Variants in DNAI7 observed in about 807,000 individuals in gnomAD.
DNAI7 encodes dynein axonemal intermediate chain 7.
DNAI7 carries 78 observed loss-of-function variants against 86.6 expected under a neutral mutation model. That is an observed-to-expected ratio of 0.90 (90% CI 0.75 to 1.09). The LOEUF is 1.09. Among genes scored for constraint, DNAI7 ranks in the 50% least tolerant of loss-of-function variants. The probability of loss-of-function intolerance (pLI) is 0.00; values close to 1 mark genes in which losing one functional copy is unlikely to be tolerated. For synonymous variants in DNAI7, 274 were observed against 273.0 expected (o/e 1.00, Z -0.04); for missense variants, 753 against 810.2 (o/e 0.93, Z 0.86).
At chr12:25,182,541 C>T (rs902679639) in intron 2 of DNAI7, among the ~76,000 whole-genome samples, 4 of 149,144 alleles carry the variant, frequency 2.7e-5, no homozygotes, top group African/African-American at 5.0e-5. Flanking sequence ...CCTGGGAGGT[C>T]GAGGCTGCAG....
Position 25,108,723 on chromosome 12 carries a change from C to T in DNAI7, c.1994G>A (p.Ser665Asn), listed in dbSNP as rs377283732. The T allele has an allele frequency of 1.9e-6, 3 of 1,608,924 alleles. No homozygotes were observed. Among genetic ancestry groups the T allele is most frequent in the African/African-American group, 1.3e-5 (1 of 74,196 alleles). The change falls in exon 16 of 16, where the codon AGT becomes AAT. Residue 665 changes from serine to asparagine, a missense_variant. Transcript: ENST00000395987. ...RAQRLKIKEE[S>N]EAFSEALKEE... ...TTTAAGTGCTTCAGAAAATGCCTCA[C>T]TCTCTTCCTTGATCTTCAGTCTTTG... is the stretch of plus-strand genomic sequence containing the variant.
At chr12:25,114,891 G>A in intron 12 of DNAI7, 21 bp from the exon 13 acceptor site, 1 of 1,536,242 alleles carries the variant, frequency 6.5e-7, no homozygotes, top group East Asian at 2.3e-5. Context: ...GATGAAGAAA[G>A]TGACACTAGT....
chr12:25,142,932 C>T (rs1418433391), intron 9 of DNAI7, among the ~76,000 whole-genome samples: 1 of 152,068 alleles, frequency 6.6e-6, no homozygotes, highest in African/African-American at 2.4e-5. Flanking sequence ...CTTCCATATT[C>T]CAGGAAAGGG....
chr12:25,182,605 T>TACACACACACACACACACAC (rs71065917), intron 2 of DNAI7, among the ~76,000 whole-genome samples: 279 of 132,194 alleles, frequency 2.1e-3, no homozygotes, highest in Middle Eastern at 7.6e-3. Flanking sequence ...TGAGACTGTC[T>TACACACACACACACACACAC]ACACACACAC....
chr12:25,131,927 C>A (rs1338759622), intron 9 of DNAI7, among the ~76,000 whole-genome samples: 1 of 152,006 alleles, frequency 6.6e-6, no homozygotes, highest in Admixed American at 6.6e-5. Context: ...TTTAAGGCAA[C>A]AATTATAATA....
intron 2 of DNAI7, among the ~76,000 whole-genome samples, chr12:25,176,584 T>C (rs1022745519): frequency 6.6e-6 from 1 of 151,930 alleles, no homozygotes; most frequent in African/African-American, 2.4e-5. Context: ...TTTATAAATA[T>C]GTGAGAGAGA....
At chr12:25,167,674 C>A (rs1947644732) in intron 2 of DNAI7, among the ~76,000 whole-genome samples, 1 of 152,194 alleles carries the variant, frequency 6.6e-6, no homozygotes, top group African/African-American at 2.4e-5. Flanking sequence ...TACCTCCGAA[C>A]TTCCTTTAAC....
Position 25,146,599 on chromosome 12 carries a change from CA to C in DNAI7, c.689+401del, listed in dbSNP as rs55857702. Among the ~76,000 whole-genome samples, 39 of 140,434 alleles carry C rather than the reference CA, an allele frequency of 2.8e-4. 1 individual carries two copies. The highest frequency in any genetic ancestry group is 8.4e-4 in the African/African-American group (33 of 39,062). 92.1% of individuals were successfully genotyped at this position (140,434 alleles called of 152,430 possible). On this transcript the variant is annotated intron_variant, in intron 8 of 15. Transcript: ENST00000395987. ...TGGACGACAGAGCAAGACTGTGTCT[CA>C]AAAAAAAAAGAAAAAGAAAGCACCT... is the stretch of plus-strand genomic sequence containing the variant.
At chr12:25,107,719 G>T (rs1949296437), downstream of DNAI7, 2 of 1,169,328 alleles carry the variant, frequency 1.7e-6, no homozygotes, top group South Asian at 1.4e-5. Flanking sequence ...AGTTTTGGGG[G>T]TATGAAGGGC....
chr12:25,154,220 T>C (rs190530164), intron 6 of DNAI7, 99 bp downstream of exon 6: 9 of 915,542 alleles, frequency 9.8e-6, no homozygotes, highest in Non-Finnish European at 1.3e-5. Flanking sequence ...TCAAAAGCAG[T>C]AGTGTTATTA....
intron 2 of DNAI7, among the ~76,000 whole-genome samples, chr12:25,176,645 G>A (rs1024373252): frequency 1.3e-5 from 2 of 151,818 alleles, no homozygotes; most frequent in African/African-American, 4.8e-5. Context: ...GTAACATCAT[G>A]CAATTCTTTG....
chr12:25,191,788 T>C (rs1322798232), intron 1 of DNAI7, among the ~76,000 whole-genome samples: 3 of 152,226 alleles, frequency 2.0e-5, no homozygotes, highest in Non-Finnish European at 4.4e-5. Flanking sequence ...GCAGATCTAT[T>C]CTTTTCTGGA....
intron 14 of DNAI7, among the ~76,000 whole-genome samples, chr12:25,110,481 A>G (rs1331103651): frequency 1.3e-5 from 2 of 151,996 alleles, no homozygotes; most frequent in Non-Finnish European, 2.9e-5. Flanking sequence ...CATATACCCC[A>G]TTACCTGCCG....
At chr12:25,130,613 T>C (rs1199971550) in intron 9 of DNAI7, among the ~76,000 whole-genome samples, 1 of 151,940 alleles carries the variant, frequency 6.6e-6, no homozygotes, top group Non-Finnish European at 1.5e-5. Flanking sequence ...ATCCTGTATA[T>C]GTTTGCTTAA....
intron 2 of DNAI7, among the ~76,000 whole-genome samples, chr12:25,186,752 A>T (rs947609768): frequency 7.2e-5 from 11 of 152,202 alleles, no homozygotes; most frequent in African/African-American, 1.9e-4. Context: ...TGATTGTGAC[A>T]GAGGAGGATG....
chr12:25,164,642 C>T lies in DNAI7; in HGVS notation c.22-3445G>A, dbSNP rs540944738. Among the ~76,000 whole-genome samples, 417 of 152,226 alleles carry T rather than the reference C, an allele frequency of 2.7e-3. 9 individuals are homozygous for T. The highest frequency in any genetic ancestry group is 9.3e-4 in the Non-Finnish European group (63 of 68,006). On this transcript the variant is annotated intron_variant, in intron 2 of 15. Coordinates refer to ENST00000395987, the MANE Select transcript of DNAI7 (RefSeq NM_018272.5). ...TAGGCAAACGGTCTGAGGTGCCTGA[C>T]GTCCAGGCATTCTTTTACACATCAG...
chr12:25,121,375 G>A (rs566056784), intron 11 of DNAI7, among the ~76,000 whole-genome samples: 5 of 152,324 alleles, frequency 3.3e-5, no homozygotes, highest in African/African-American at 1.2e-4. Context: ...TGCAATGGCT[G>A]AGTTGAGTAG....
At chr12:25,122,942 T>G (rs1480981771) in intron 10 of DNAI7, among the ~76,000 whole-genome samples, 1 of 152,226 alleles carries the variant, frequency 6.6e-6, no homozygotes, top group Non-Finnish European at 1.5e-5. Context: ...GTTCTATGTA[T>G]GTAACACGTT....
At chr12:25,110,827 C>T (rs1342081031) in intron 14 of DNAI7, among the ~76,000 whole-genome samples, 1 of 152,010 alleles carries the variant, frequency 6.6e-6, no homozygotes, top group African/African-American at 2.4e-5. Context: ...TGTTTTCCTT[C>T]GACTGTGAAA....
Sources: allele counts gnomAD v4.1 joint callset (sites outside exome capture counted in the v4.1 genomes callset), GRCh38; gene constraint gnomAD v4.1.1; transcripts MANE v1.5; gene names NCBI Gene and HGNC (gene_info 2026-07-23, HGNC 2026-07-21).